HDX: variants seen among roughly 807,000 people sequenced by gnomAD.
The protein encoded by HDX is highly divergent homeobox.
HDX carries 19 observed loss-of-function variants against 45.2 expected under a neutral mutation model. The ratio of observed to expected loss-of-function variants is 0.42; its 90% CI spans 0.29 to 0.62. The LOEUF is 0.62. Among genes scored for constraint, HDX ranks in the 20% least tolerant of loss-of-function variants. HDX has a pLI of 0.20. For synonymous variants in HDX, 188 were observed against 172.8 expected, an observed-to-expected ratio of 1.09 and a Z score of -0.69; for missense variants, 532 against 493.9, an observed-to-expected ratio of 1.08 and a Z score of -0.73.
At chrX:84,354,928 C>G (rs1246299801) in intron 6 of HDX, among the ~76,000 whole-genome samples, 1 of 21,378 alleles carries the variant, frequency 4.7e-5, no homozygotes, top group African/African-American at 1.6e-4. Flanking sequence ...TACACACACA[C>G]ACATATATAT....
intron 2 of HDX, among the ~76,000 whole-genome samples, chrX:84,480,172 A>G (rs1229288199): frequency 9.0e-6 from 1 of 111,644 alleles, no homozygotes; most frequent in Non-Finnish European, 1.9e-5. Flanking sequence ...CTAGTTTATT[A>G]ACATACAATT....
Position 84,457,581 on chromosome X carries a change from T to C in HDX, c.1251+10891A>G, listed in dbSNP as rs184364337. On this transcript the variant is annotated intron_variant, in intron 4 of 10. Transcript: ENST00000373177. ...TGATTTATTTAATATTGCATGTAGA[T>C]GGTAAGTATACTAAAATCAAAATTT... 4.7e-3 allele frequency among the ~76,000 whole-genome samples: 521 copies of C among 111,927 alleles called. 2 individuals are homozygous for C. Among genetic ancestry groups the C allele is most frequent in the African/African-American group, 0.015 (478 of 30,898 alleles).
chrX:84,452,296 A>C (rs1471969442), intron 4 of HDX, among the ~76,000 whole-genome samples: 2 of 111,522 alleles, frequency 1.8e-5, no homozygotes, highest in Non-Finnish European at 3.8e-5. Flanking sequence ...CTTAAATCAG[A>C]TAAATTCAGT....
intron 5 of HDX, among the ~76,000 whole-genome samples, chrX:84,411,453 T>C (rs763195225): frequency 2.7e-5 from 3 of 112,015 alleles, no homozygotes; most frequent in Admixed American, 9.5e-5. Flanking sequence ...GCTTAATTTC[T>C]GTATAATTGT....
chrX:84,373,571 G>A (rs1008149108), intron 5 of HDX, among the ~76,000 whole-genome samples: 3 of 110,318 alleles, frequency 2.7e-5, no homozygotes, highest in African/African-American at 9.9e-5. Flanking sequence ...ATGATCAAGA[G>A]GGCTTCATCC....
chrX:84,358,358 TA>T (rs57437831), intron 6 of HDX, among the ~76,000 whole-genome samples: 9,296 of 110,640 alleles, frequency 0.084, 399 homozygotes, highest in East Asian at 0.25. Flanking sequence ...AACTTTGATT[TA>T]AAAAAAATAA....
chrX:84,334,242 C>A (rs1037637439), intron 8 of HDX, among the ~76,000 whole-genome samples: 1 of 110,823 alleles, frequency 9.0e-6, no homozygotes, highest in Non-Finnish European at 1.9e-5. Context: ...CTCTTTGTGA[C>A]TTCTAATGTA....
intron 9 of HDX, among the ~76,000 whole-genome samples, chrX:84,329,096 T>A (rs750148444): frequency 4.5e-4 from 50 of 111,672 alleles, no homozygotes; most frequent in Non-Finnish European, 8.1e-4. Context: ...GAGACCAAGG[T>A]TTTATCTTGC....
chrX:84,436,080 A>G (rs2039624415), intron 5 of HDX, among the ~76,000 whole-genome samples: 1 of 88,051 alleles, frequency 1.1e-5, no homozygotes, highest in East Asian at 3.5e-4. Context: ...CATATACACC[A>G]TGGAATACTA....
chrX:84,353,781 G>A (rs745496974), intron 6 of HDX, among the ~76,000 whole-genome samples: 469 of 111,389 alleles, frequency 4.2e-3, no homozygotes, highest in African/African-American at 0.011. Flanking sequence ...TCTGTTGAGC[G>A]TCTGAAGTTT....
intron 5 of HDX, among the ~76,000 whole-genome samples, chrX:84,436,300 G>A: frequency 1.5e-5 from 1 of 65,979 alleles, no homozygotes; most frequent in African/African-American, 6.1e-5. Flanking sequence ...AGGGGGGAGG[G>A]ATAGCATTGG....
intron 5 of HDX, among the ~76,000 whole-genome samples, chrX:84,362,748 C>T (rs1432990940): frequency 1.8e-5 from 2 of 111,121 alleles, no homozygotes; most frequent in African/African-American, 6.5e-5. Flanking sequence ...TTCAACATTT[C>T]CTTTCTAACT....
In HDX at chrX:84,469,284, T is replaced by C; in HGVS notation, c.439A>G (p.Thr147Ala). 1.7e-6 allele frequency: 2 copies of C among 1,210,230 alleles called. No individual in the cohort carries two copies. The highest frequency in any genetic ancestry group is 2.2e-6 in the Non-Finnish European group (2 of 894,064). Residue 147 changes from threonine to alanine, a missense_variant, in exon 4 of 11, where the codon ACT (threonine) becomes GCT (alanine). Physicochemically the swap from Thr to Ala is moderately conservative, Grantham distance 58. Around this residue, in one of 3 missense-constraint regions of HDX, gnomAD observed 376 missense variants for 343.7 expected, o/e 1.09. Transcript: ENST00000373177. Reference protein sequence around the residue: ...PIQKTATKNDTEFQLHIPVQR... With the variant: ...PIQKTATKNDAEFQLHIPVQR... ...ACAGGAATGTGTAACTGAAACTCAG[T>C]ATCATTTTTAGTGGCTGTTTTCTGA...
chrX:84,404,622 T>C (rs1346997670), intron 5 of HDX, among the ~76,000 whole-genome samples: 2 of 111,357 alleles, frequency 1.8e-5, no homozygotes, highest in South Asian at 7.5e-4. Flanking sequence ...TGAAGGTTTA[T>C]AGAAGTGAGA....
In HDX at chrX:84,431,700, A is replaced by G. The variant is rs185030404; in HGVS notation, c.1305+8832T>C. 3.2e-3 allele frequency among the ~76,000 whole-genome samples: 357 copies of G among 110,779 alleles called. 2 individuals carry two copies. Among genetic ancestry groups the G allele is most frequent in the African/African-American group, 0.011 (343 of 30,615 alleles). On this transcript the variant is annotated intron_variant, in intron 5 of 10. Transcript: ENST00000373177. ...TTAATGGGGTTGTTTTTTGCCTATA[A>G]ACTTGTTTAAGTTCCTTATAGTTTC...
intron 1 of HDX, among the ~76,000 whole-genome samples, chrX:84,499,800 A>G (rs1286467522): frequency 9.0e-6 from 1 of 111,410 alleles, no homozygotes; most frequent in Non-Finnish European, 1.9e-5. Flanking sequence ...CGAGCTCTGC[A>G]GAAGAATGCA....
intron 5 of HDX, among the ~76,000 whole-genome samples, chrX:84,413,654 C>T (rs2039037517): frequency 9.0e-6 from 1 of 111,689 alleles, no homozygotes. Flanking sequence ...GAAAATGAGA[C>T]TTTTGAAGGT....
chrX:84,497,084 TA>T (rs1440487698), intron 1 of HDX, among the ~76,000 whole-genome samples: 6 of 112,095 alleles, frequency 5.4e-5, no homozygotes, highest in African/African-American at 1.9e-4. Flanking sequence ...TGCTGCCATG[TA>T]AGACGTGCCT....
At chrX:84,369,480 G>T (rs2039528843) in intron 5 of HDX, among the ~76,000 whole-genome samples, 1 of 111,779 alleles carries the variant, frequency 8.9e-6, no homozygotes, top group South Asian at 3.7e-4. Context: ...TTCATTTTTT[G>T]AGAAACCTCC....
Sources: allele counts gnomAD v4.1 joint callset (sites outside exome capture counted in the v4.1 genomes callset), GRCh38; gene constraint gnomAD v4.1.1; regional missense constraint gnomAD v4.1.1; transcripts MANE v1.5; gene names NCBI Gene and HGNC (gene_info 2026-07-23, HGNC 2026-07-21).